ATRNL1: variants seen among roughly 807,000 people sequenced by gnomAD.
ATRNL1 encodes attractin like 1.
A neutral mutation model predicts 182.7 loss-of-function variants in ATRNL1; 95 were observed. The observed-to-expected ratio is 0.52, with a 90% confidence interval of 0.44 to 0.62. The LOEUF (loss-of-function observed/expected upper bound fraction) is 0.62. Ranked by LOEUF, ATRNL1 falls within the 20% of genes least tolerant of loss-of-function variation. The probability of loss-of-function intolerance (pLI) is 0.00; values close to 1 mark genes in which losing one functional copy is unlikely to be tolerated. For missense variants in ATRNL1, 1,471 were observed against 1,679.5 expected, an observed-to-expected ratio of 0.88 and a Z score of 2.17; for synonymous variants, 576 against 568.3, an observed-to-expected ratio of 1.01 and a Z score of -0.19.
intron 3 of ATRNL1, among the ~76,000 whole-genome samples, chr10:115,122,999 A>G (rs1452791054): frequency 6.6e-6 from 1 of 152,190 alleles, no homozygotes; most frequent in East Asian, 1.9e-4. Context: ...TTGACTGACC[A>G]TCATTTAGAT....
chr10:115,384,853 CTT>C (rs566812367), intron 19 of ATRNL1, among the ~76,000 whole-genome samples: 2 of 143,836 alleles, frequency 1.4e-5, no homozygotes. Context: ...TTTAATTTCT[CTT>C]TTTTTTTTTG....
intron 27 of ATRNL1, among the ~76,000 whole-genome samples, chr10:115,734,764 A>C (rs1226914671): frequency 4.6e-5 from 7 of 151,790 alleles, no homozygotes; most frequent in African/African-American, 1.7e-4. Context: ...TATTTTTCAG[A>C]CCCTACCTTT....
chr10:115,231,767 A>C (rs782571344), intron 9 of ATRNL1, among the ~76,000 whole-genome samples: 2 of 152,162 alleles, frequency 1.3e-5, no homozygotes, highest in Non-Finnish European at 2.9e-5. Flanking sequence ...CAGGTAAATA[A>C]GTAGAGGTGG....
chr10:115,196,408 C>A (rs935117511), intron 8 of ATRNL1, among the ~76,000 whole-genome samples: 2 of 152,012 alleles, frequency 1.3e-5, no homozygotes, highest in Admixed American at 1.3e-4. Context: ...AAGTTTTGAG[C>A]TATTCTAGGT....
intron 18 of ATRNL1, among the ~76,000 whole-genome samples, chr10:115,328,007 A>T (rs990314043): frequency 9.9e-5 from 15 of 152,090 alleles, no homozygotes; most frequent in Non-Finnish European, 2.9e-5. Context: ...TAGTGGGTGC[A>T]GCGCACCAGC....
chr10:115,576,116 A>C (rs1555005115), intron 26 of ATRNL1, among the ~76,000 whole-genome samples: 1 of 151,874 alleles, frequency 6.6e-6, no homozygotes, highest in Non-Finnish European at 1.5e-5. Flanking sequence ...ATACACCACA[A>C]TTTCTTTATC....
intron 26 of ATRNL1, among the ~76,000 whole-genome samples, chr10:115,593,849 A>G (rs1399760439): frequency 1.3e-5 from 2 of 152,152 alleles, no homozygotes; most frequent in African/African-American, 4.8e-5. Flanking sequence ...TATTATCATT[A>G]TCCTGTTTTA....
chr10:115,372,951 C>G (rs545499658), intron 19 of ATRNL1, among the ~76,000 whole-genome samples: 14 of 152,182 alleles, frequency 9.2e-5, no homozygotes, highest in Non-Finnish European at 1.6e-4. Context: ...CAGTAGATCA[C>G]TTTGCGTAAT....
At chr10:115,191,891 T>C (rs182772177) in intron 8 of ATRNL1, among the ~76,000 whole-genome samples, 7 of 152,240 alleles carry the variant, frequency 4.6e-5, no homozygotes, top group African/African-American at 1.7e-4. Flanking sequence ...TAATAACATA[T>C]GTTGTCTTTT....
At chr10:115,187,465 A>G (rs1293428784) in intron 8 of ATRNL1, among the ~76,000 whole-genome samples, 3 of 152,150 alleles carry the variant, frequency 2.0e-5, no homozygotes, top group Non-Finnish European at 4.4e-5. Context: ...ACTGGTGCAC[A>G]ACATGGTGAC....
At chr10:115,621,562 A>G (rs1027628143) in intron 26 of ATRNL1, among the ~76,000 whole-genome samples, 1 of 151,950 alleles carries the variant, frequency 6.6e-6, no homozygotes. Context: ...TCAGCTTCCC[A>G]TAGTGCTGGG....
chr10:115,929,766 A>T (rs1047888370), intron 28 of ATRNL1, among the ~76,000 whole-genome samples: 1 of 152,160 alleles, frequency 6.6e-6, no homozygotes, highest in Admixed American at 6.6e-5. Context: ...AATTAGTATG[A>T]ACTTTTATCT....
intron 5 of ATRNL1, among the ~76,000 whole-genome samples, chr10:115,134,221 C>T (rs1479729515): frequency 1.3e-5 from 2 of 151,912 alleles, no homozygotes; most frequent in East Asian, 3.9e-4. Context: ...AGACACAAAA[C>T]CCTTCAAAAA....
intron 26 of ATRNL1, among the ~76,000 whole-genome samples, chr10:115,624,247 T>C (rs1288610166): frequency 2.0e-5 from 3 of 151,950 alleles, no homozygotes; most frequent in African/African-American, 7.2e-5. Flanking sequence ...ACAATATATA[T>C]AATATGATTT....
chr10:115,758,786 C>T (rs542477650), intron 27 of ATRNL1, among the ~76,000 whole-genome samples: 3 of 152,334 alleles, frequency 2.0e-5, no homozygotes, highest in East Asian at 3.9e-4. Flanking sequence ...CCGCCCAGTT[C>T]GAACTTCCTG....
At chr10:115,606,024 T>A (rs1856856186) in intron 26 of ATRNL1, among the ~76,000 whole-genome samples, 1 of 151,788 alleles carries the variant, frequency 6.6e-6, no homozygotes, top group Non-Finnish European at 1.5e-5. Flanking sequence ...AAGAAGAAAA[T>A]TAAGGATATT....
intron 9 of ATRNL1, among the ~76,000 whole-genome samples, chr10:115,237,387 G>A (rs958272592): frequency 4.6e-5 from 7 of 152,236 alleles, no homozygotes; most frequent in East Asian, 1.9e-4. Flanking sequence ...GCTCTAGATC[G>A]TTGCCATCTT....
intron 27 of ATRNL1, among the ~76,000 whole-genome samples, chr10:115,787,822 G>T (rs1381602364): frequency 1.3e-5 from 2 of 152,146 alleles, no homozygotes; most frequent in African/African-American, 2.4e-5. Context: ...GATTACACTG[G>T]ATTATTGGGA....
At chr10:115,865,540 T>C (rs1555104563) in intron 28 of ATRNL1, among the ~76,000 whole-genome samples, 2 of 152,154 alleles carry the variant, frequency 1.3e-5, no homozygotes, top group African/African-American at 4.8e-5. Flanking sequence ...TATATGTATG[T>C]GTATCTCTAT....
Sources: allele counts gnomAD v4.1 joint callset (sites outside exome capture counted in the v4.1 genomes callset), GRCh38; gene constraint gnomAD v4.1.1; transcripts MANE v1.5; gene names NCBI Gene and HGNC (gene_info 2026-07-23, HGNC 2026-07-21).